SLC18A2: variants seen among roughly 807,000 people sequenced by gnomAD.
The protein encoded by SLC18A2 is solute carrier family 18 member A2.
SLC18A2 carries 33 observed loss-of-function variants against 59.2 expected under a neutral mutation model. The observed-to-expected ratio is 0.56, with a 90% CI of 0.42 to 0.75. The LOEUF is 0.75. SLC18A2 is among the 30% of genes least tolerant of loss of function. The pLI, the probability that SLC18A2 is intolerant of heterozygous loss-of-function variation, is 0.00. For missense variants in SLC18A2, 569 were observed against 668.6 expected (o/e 0.85, Z 1.64); for synonymous variants, 228 against 253.5 (o/e 0.90, Z 0.95).
In SLC18A2 at chr10:117,269,313, A is replaced by G. The variant is rs1477665436; in HGVS notation, c.1187-758A>G. Reference sequence around the variant, plus strand: ...CATATATACACATACATACACAGATACATATATACATATACATAATACACA... The same window carrying G: ...CATATATACACATACATACACAGATGCATATATACATATACATAATACACA... On this transcript the variant is annotated intron_variant, in intron 13 of 15. Transcript: ENST00000644641. This position sits in a 1 kb window ranked among gnomAD's most constrained non-coding sequence, Gnocchi z 5.1. Among the ~76,000 whole-genome samples, 2 of 127,698 alleles carry G rather than the reference A, an allele frequency of 1.6e-5. No individual in the cohort carries two copies. Among genetic ancestry groups the G allele is most frequent in the East Asian group, 4.8e-4 (2 of 4,202 alleles). The allele number at this position is 127,698 out of a possible 152,430, so 83.8% of individuals were successfully genotyped here. A position where few individuals can be genotyped will look rare whatever the true frequency, so the allele number is the denominator to read the frequency against.
At chr10:117,261,690 T>C (rs977826070) in intron 10 of SLC18A2, among the ~76,000 whole-genome samples, 1 of 152,160 alleles carries the variant, frequency 6.6e-6, no homozygotes, top group East Asian at 1.9e-4. Flanking sequence ...TGAGTACCAG[T>C]GTCTTTGGAA....
In SLC18A2 at chr10:117,255,308, G is replaced by T. The variant is rs747856201; in HGVS notation, c.732G>T (p.Glu244Asp). 1.9e-6 allele frequency: 3 copies of T among 1,614,116 alleles called. No individual in the cohort carries two copies. The South Asian group carries it at 3.3e-5, about 18-fold the overall frequency. The part of the protein sequence containing the change: ...VGPPFGSVLY[E>D]FVGKTAPFLV... ...CCCCCTTCGGGAGTGTGCTCTATGA[G>T]TTTGTGGGGAAGACGGCTCCGTTCC... is the stretch of plus-strand genomic sequence containing the variant. Residue 244 changes from glutamate (E) to aspartate (D), a missense_variant, in exon 7 of 16, where the codon GAG becomes GAT. Coordinates refer to ENST00000644641, the MANE Select transcript of SLC18A2 (RefSeq NM_003054.6).
chr10:117,260,645 T>C (rs1009114289), intron 10 of SLC18A2, among the ~76,000 whole-genome samples: 2 of 152,246 alleles, frequency 1.3e-5, no homozygotes, highest in Admixed American at 6.5e-5. Flanking sequence ...AATGGTTGCA[T>C]ATTGTTTTAT....
chr10:117,276,282 AAAC>A (rs1344934666), intron 15 of SLC18A2, among the ~76,000 whole-genome samples: 3 of 152,184 alleles, frequency 2.0e-5, no homozygotes, highest in African/African-American at 4.8e-5. Context: ...TTCTGTCTCA[AAAC>A]AACAACAAAA....
At chr10:117,259,024 C>T (rs180835252) in intron 10 of SLC18A2, among the ~76,000 whole-genome samples, 47 of 152,234 alleles carry the variant, frequency 3.1e-4, no homozygotes, top group East Asian at 1.2e-3. Flanking sequence ...GCCGTTGCAG[C>T]GCCACATAGA....
At chr10:117,265,220 C>A (rs1844335636) in intron 10 of SLC18A2, among the ~76,000 whole-genome samples, 1 of 152,178 alleles carries the variant, frequency 6.6e-6, no homozygotes, top group Non-Finnish European at 1.5e-5. Context: ...GGATTTAGCT[C>A]ATGGAGCCAT....
At chr10:117,247,736 T>C (rs562298436) in intron 3 of SLC18A2, among the ~76,000 whole-genome samples, 5 of 152,346 alleles carry the variant, frequency 3.3e-5, no homozygotes, top group South Asian at 4.1e-4. Context: ...CAGTCCCTGA[T>C]GTGAACTGGT....
At chr10:117,241,838 G>A in intron 2 of SLC18A2, 24 bp downstream of exon 2, 2 of 1,592,494 alleles carry the variant, frequency 1.3e-6, no homozygotes, top group Non-Finnish European at 1.7e-6. Context: ...GGGCACCCCT[G>A]CCCCGGCACC....
At chr10:117,275,589 C>T (rs891089050) in intron 15 of SLC18A2, among the ~76,000 whole-genome samples, 3 of 152,220 alleles carry the variant, frequency 2.0e-5, no homozygotes, top group Non-Finnish European at 4.4e-5. Flanking sequence ...CAGGCGGCTC[C>T]TGTCTGCCCC....
intron 10 of SLC18A2, among the ~76,000 whole-genome samples, chr10:117,259,031 T>C (rs537050468): frequency 6.6e-6 from 1 of 152,252 alleles, no homozygotes; most frequent in African/African-American, 2.4e-5. Context: ...CAGCGCCACA[T>C]AGAAGTATCA....
chr10:117,253,266 T>C, intron 3 of SLC18A2, 133 bp from the exon 4 acceptor site: 1 of 689,380 alleles, frequency 1.5e-6, no homozygotes, highest in Non-Finnish European at 2.6e-6. Context: ...AAGCACTGAG[T>C]ATATGAATTT....
In SLC18A2 at chr10:117,241,971, C is replaced by T. The variant is rs11819661; in HGVS notation, c.121+157C>T. On this transcript the variant is annotated intron_variant, in intron 2 of 15. Transcript: ENST00000644641. ...AAGACATCCCCTCCAGGCTGCCGCG[C>T]CGGGGCTAGGAGGAGCCGCGTTGTG... 1.2e-3 allele frequency: 851 copies of T among 719,104 alleles called. 5 individuals carry two copies. In the African/African-American group the frequency reaches 0.015, roughly 12 times the overall value. The allele number at this position is 719,104 out of a possible 1,614,324, so 44.5% of individuals were successfully genotyped here.
intron 10 of SLC18A2, among the ~76,000 whole-genome samples, chr10:117,266,236 C>T (rs1412340974): frequency 2.0e-5 from 3 of 151,736 alleles, no homozygotes; most frequent in Non-Finnish European, 4.4e-5. Flanking sequence ...TCAAAACACA[C>T]ATAAATATAT....
intron 2 of SLC18A2, 56 bp downstream of exon 2, chr10:117,241,870 C>T (rs1245487922): frequency 5.9e-6 from 9 of 1,516,770 alleles, no homozygotes; most frequent in East Asian, 2.6e-5. Flanking sequence ...GCCCCTTCCC[C>T]GGCACTCCAC....
chr10:117,244,199 G>A lies in SLC18A2; in HGVS notation c.350G>A (p.Cys117Tyr). The change falls in exon 3 of 16, where the codon TGT (cysteine) becomes TAT (tyrosine). Residue 117 changes from cysteine to tyrosine, a missense_variant. This residue lies in a region of SLC18A2 where 377 missense variants were observed against 389.8 expected (regional missense o/e 0.97). Transcript: ENST00000644641. ...AACGCGTCCGCTGTTCCTTCCGACT[G>A]TCCCAGTGAAGACAAAGACCTCCTG... is the stretch of plus-strand genomic sequence containing the variant. ...VTNASAVPSD[C>Y]PSEDKDLLNE... 1 of 1,614,174 alleles carries A rather than the reference G, an allele frequency of 6.2e-7. No homozygotes were observed. The highest frequency in any genetic ancestry group is 8.5e-7 in the Non-Finnish European group (1 of 1,180,036).
chr10:117,271,954 T>C (rs567180434), intron 15 of SLC18A2, among the ~76,000 whole-genome samples: 11 of 152,320 alleles, frequency 7.2e-5, no homozygotes, highest in African/African-American at 2.4e-4. Context: ...TGTGTGTGTG[T>C]GTATAAAATC....
At chr10:117,266,089 C>CAAAA (rs35533634) in intron 10 of SLC18A2, among the ~76,000 whole-genome samples, 3 of 72,134 alleles carry the variant, frequency 4.2e-5, no homozygotes, top group Admixed American at 1.7e-4. Flanking sequence ...GACTCCATCT[C>CAAAA]AAAAAAAAAA....
chr10:117,263,206 C>T (rs1351480451), intron 10 of SLC18A2, among the ~76,000 whole-genome samples: 1 of 152,192 alleles, frequency 6.6e-6, no homozygotes, highest in Non-Finnish European at 1.5e-5. Flanking sequence ...TTCCCTAGTT[C>T]TCTGTAGCTT....
In SLC18A2 at chr10:117,260,472, CTG is replaced by C. The variant is rs1334607596; in HGVS notation, c.991+2582_991+2583del. On this transcript the variant is annotated intron_variant, in intron 10 of 15. Transcript: ENST00000644641. ...GTATTGTCCCTTCTCCTCTCCCACT[CTG>C]TTTGTCCTCAGGAAGGTATGGGGGC... Among the ~76,000 whole-genome samples, 15 of 152,232 alleles carry C rather than the reference CTG, an allele frequency of 9.9e-5. No individual in the cohort carries two copies. In the East Asian group the frequency reaches 2.3e-3, roughly 24 times the overall value.
Sources: allele counts gnomAD v4.1 joint callset (sites outside exome capture counted in the v4.1 genomes callset), GRCh38; gene constraint gnomAD v4.1.1; regional missense constraint gnomAD v4.1.1; non-coding constraint Gnocchi (gnomAD v3.1); transcripts MANE v1.5; gene names NCBI Gene and HGNC (gene_info 2026-07-23, HGNC 2026-07-21).